The following PGM1 variants were observed in gnomAD, a reference collection of about 807,000 sequenced individuals.
The protein encoded by PGM1 is phosphoglucomutase 1, also known as phosphoglucomutase-1.
A neutral mutation model predicts 55.6 loss-of-function variants in PGM1; 52 were observed. The ratio of observed to expected loss-of-function variants is 0.94; its 90% CI spans 0.75 to 1.18. PGM1 has a LOEUF of 1.18. PGM1 is among the 50% of genes most tolerant of loss of function. The pLI is 0.00. For missense variants in PGM1, 724 were observed against 729.3 expected (o/e 0.99, Z 0.08); for synonymous variants, 287 against 271.7 (o/e 1.06, Z -0.55).
chr1:63,595,542 G>A (rs1484424009), intron 1 of PGM1, among the ~76,000 whole-genome samples: 1 of 152,186 alleles, frequency 6.6e-6, no homozygotes, highest in Non-Finnish European at 1.5e-5. Context: ...TTGTGGTCCT[G>A]AATTTTCAGA....
intron 1 of PGM1, chr1:63,623,135 T>C: frequency 1.1e-6 from 1 of 921,928 alleles, no homozygotes; most frequent in Non-Finnish European, 1.3e-6. Context: ...TCCTTGGAGC[T>C]ATCTCTACCC....
At chr1:63,644,097 T>A (rs1649591483) in intron 7 of PGM1, among the ~76,000 whole-genome samples, 1 of 152,228 alleles carries the variant, frequency 6.6e-6, no homozygotes, top group African/African-American at 2.4e-5. Context: ...ACCCAATCCC[T>A]AAACTGTTAG....
At chr1:63,611,387 A>G (rs1648560300) in intron 1 of PGM1, among the ~76,000 whole-genome samples, 1 of 152,188 alleles carries the variant, frequency 6.6e-6, no homozygotes, top group African/African-American at 2.4e-5. Context: ...ACTGTAAAGT[A>G]GGACTCATCC....
intron 8 of PGM1, among the ~76,000 whole-genome samples, chr1:63,649,972 G>A (rs777137482): frequency 1.3e-5 from 2 of 152,186 alleles, no homozygotes; most frequent in Non-Finnish European, 2.9e-5. Context: ...GAGTTAACAG[G>A]TGAACAATAG....
At chr1:63,624,935 A>T (rs1320041576) in intron 1 of PGM1, among the ~76,000 whole-genome samples, 1 of 152,230 alleles carries the variant, frequency 6.6e-6, no homozygotes, top group Admixed American at 6.5e-5. Context: ...TTGCTGATAA[A>T]GCACTCAAAT....
At chr1:63,624,080 C>A (rs921209035) in intron 1 of PGM1, among the ~76,000 whole-genome samples, 1 of 152,184 alleles carries the variant, frequency 6.6e-6, no homozygotes, top group Non-Finnish European at 1.5e-5. Flanking sequence ...TTCTAACTAG[C>A]TTCAAGGGGC....
chr1:63,621,100 A>G (rs997149061), intron 1 of PGM1, among the ~76,000 whole-genome samples: 5 of 152,164 alleles, frequency 3.3e-5, no homozygotes, highest in African/African-American at 1.2e-4. Flanking sequence ...TATAGTGTTC[A>G]TAAAATTATG....
At chr1:63,606,327 A>G (rs886104168) in intron 1 of PGM1, among the ~76,000 whole-genome samples, 32 of 152,258 alleles carry the variant, frequency 2.1e-4, no homozygotes, top group African/African-American at 7.7e-4. Flanking sequence ...GGCTGCTGTT[A>G]GCAGAGTTTC....
At chr1:63,616,034 C>T (rs75249326) in intron 1 of PGM1, among the ~76,000 whole-genome samples, 2,671 of 152,048 alleles carry the variant, frequency 0.018, 75 homozygotes, top group African/African-American at 0.061. Flanking sequence ...AACATATGAC[C>T]ATGAATGATT....
chr1:63,639,035 G>A (rs757090308), intron 7 of PGM1, among the ~76,000 whole-genome samples: 19 of 152,130 alleles, frequency 1.2e-4, no homozygotes, highest in Non-Finnish European at 2.5e-4. Flanking sequence ...CAGGAAGTTG[G>A]GGGGCCTCCT....
At chr1:63,653,301 G>A (rs1649870848) in intron 9 of PGM1, among the ~76,000 whole-genome samples, 1 of 152,214 alleles carries the variant, frequency 6.6e-6, no homozygotes, top group Admixed American at 6.5e-5. Context: ...AGTTGAAGCT[G>A]TGAAGAAAGG....
intron 1 of PGM1, among the ~76,000 whole-genome samples, chr1:63,596,203 T>C (rs112388341): frequency 1.3e-5 from 2 of 151,930 alleles, no homozygotes; most frequent in African/African-American, 4.8e-5. Flanking sequence ...GGGCTGCACA[T>C]TGACTATCCC....
chr1:63,646,358 T>C (rs918416264), intron 7 of PGM1, among the ~76,000 whole-genome samples: 1 of 151,972 alleles, frequency 6.6e-6, no homozygotes, highest in Non-Finnish European at 1.5e-5. Flanking sequence ...AAAATGAGAG[T>C]TGTGTTCCAT....
intron 1 of PGM1, among the ~76,000 whole-genome samples, chr1:63,605,315 T>A (rs948922127): frequency 6.6e-6 from 1 of 152,176 alleles, no homozygotes; most frequent in African/African-American, 2.4e-5. Context: ...AATTTAGTAG[T>A]CTTCTGGCCT....
intron 1 of PGM1, among the ~76,000 whole-genome samples, chr1:63,626,794 CATT>C (rs972345748): frequency 1.3e-4 from 20 of 152,060 alleles, no homozygotes; most frequent in Non-Finnish European, 2.5e-4. Flanking sequence ...GGTAACAAAA[CATT>C]GTTGTGCAGC....
intron 6 of PGM1, among the ~76,000 whole-genome samples, chr1:63,637,841 G>A (rs185999885): frequency 1.3e-5 from 2 of 152,088 alleles, no homozygotes; most frequent in Non-Finnish European, 2.9e-5. Context: ...AAAGTTTATT[G>A]TACTTTCATA....
chr1:63,613,414 C>A (rs1031822819), intron 1 of PGM1, among the ~76,000 whole-genome samples: 1 of 151,990 alleles, frequency 6.6e-6, no homozygotes, highest in Non-Finnish European at 1.5e-5. Flanking sequence ...ACCATGCTCC[C>A]TCTGAAGGCT....
intron 6 of PGM1, 47 bp downstream of exon 6, chr1:63,636,435 T>C: frequency 6.3e-7 from 1 of 1,577,700 alleles, no homozygotes. Flanking sequence ...GTCGTCCCAG[T>C]CTTCACCATA....
At chr1:63,636,768 A>T (rs1223597309) in intron 6 of PGM1, among the ~76,000 whole-genome samples, 1 of 152,208 alleles carries the variant, frequency 6.6e-6, no homozygotes, top group Non-Finnish European at 1.5e-5. Context: ...TACACGTATA[A>T]TTTTTTAAAG....
Sources: gnomAD v4.1 joint callset for allele counts (sites outside exome capture counted in the v4.1 genomes callset) on GRCh38, gnomAD v4.1.1 for gene constraint, MANE v1.5 for transcripts, NCBI Gene and HGNC (gene_info 2026-07-23, HGNC 2026-07-21) for gene names.